PRKN: variants seen among roughly 807,000 people sequenced by gnomAD.
The protein encoded by PRKN is parkin RBR E3 ubiquitin protein ligase.
PRKN carries 56 observed loss-of-function variants against 59.5 expected under a neutral mutation model. That is an observed-to-expected ratio of 0.94 (90% CI 0.76 to 1.18). The LOEUF (loss-of-function observed/expected upper bound fraction) is 1.18, where lower values mean the gene tolerates loss of function less well. Ranked by LOEUF, PRKN falls within the 50% of genes most tolerant of loss-of-function variation. The pLI, the probability that PRKN is intolerant of heterozygous loss-of-function variation, is 0.00. For missense variants in PRKN, 657 were observed against 596.4 expected, an observed-to-expected ratio of 1.10 and a Z score of -1.06; for synonymous variants, 250 against 222.1, an observed-to-expected ratio of 1.13 and a Z score of -1.12.
chr6:161,351,893 A>T (rs915625964), intron 11 of PRKN, among the ~76,000 whole-genome samples: 5 of 152,168 alleles, frequency 3.3e-5, no homozygotes, highest in African/African-American at 9.7e-5. Flanking sequence ...TTTTCAGCAT[A>T]AGAGGAAAAG....
chr6:161,382,446 C>T (rs368283729), intron 10 of PRKN, among the ~76,000 whole-genome samples: 15 of 152,246 alleles, frequency 9.9e-5, no homozygotes, highest in South Asian at 6.2e-4. Flanking sequence ...ATCTCTTCTG[C>T]GGCTTTAGAG....
intron 7 of PRKN, among the ~76,000 whole-genome samples, chr6:161,574,964 C>T (rs936967779): frequency 2.0e-5 from 3 of 152,152 alleles, no homozygotes; most frequent in African/African-American, 7.2e-5. Context: ...ACTTTTAAAG[C>T]CCGTCCTGCT....
intron 1 of PRKN, among the ~76,000 whole-genome samples, chr6:162,538,894 A>AT (rs1778818035): frequency 6.6e-6 from 1 of 152,206 alleles, no homozygotes; most frequent in African/African-American, 2.4e-5. Context: ...TTATTTACTG[A>AT]TAAAAAGCAC....
chr6:162,425,446 A>G (rs1789188528), intron 2 of PRKN, among the ~76,000 whole-genome samples: 1 of 152,188 alleles, frequency 6.6e-6, no homozygotes, highest in South Asian at 2.1e-4. Context: ...AATTTTGTAC[A>G]GATATCATTA....
At chr6:162,375,034 A>G (rs921278968) in intron 2 of PRKN, among the ~76,000 whole-genome samples, 1 of 152,122 alleles carries the variant, frequency 6.6e-6, no homozygotes, top group African/African-American at 2.4e-5. Context: ...TGATTTTATT[A>G]TTAGGAACAA....
chr6:161,910,324 G>A (rs937845385), intron 6 of PRKN, among the ~76,000 whole-genome samples: 1 of 152,010 alleles, frequency 6.6e-6, no homozygotes, highest in Non-Finnish European at 1.5e-5. Flanking sequence ...GCACAATCTC[G>A]ACTCACCACA....
intron 6 of PRKN, among the ~76,000 whole-genome samples, chr6:161,808,178 T>C (rs1419735786): frequency 1.3e-5 from 2 of 152,194 alleles, no homozygotes; most frequent in Non-Finnish European, 2.9e-5. Flanking sequence ...AGACCCCTCA[T>C]ATTTTCATTA....
chr6:161,610,307 C>A (rs1782440654), intron 7 of PRKN, among the ~76,000 whole-genome samples: 1 of 152,060 alleles, frequency 6.6e-6, no homozygotes, highest in African/African-American at 2.4e-5. Context: ...CTTCTGAACG[C>A]TGCCCATAGG....
At chr6:161,836,980 C>T (rs980051552) in intron 6 of PRKN, among the ~76,000 whole-genome samples, 4 of 152,148 alleles carry the variant, frequency 2.6e-5, no homozygotes, top group Admixed American at 2.0e-4. Flanking sequence ...CTCTCGTTTT[C>T]GCTCCGCTCC....
intron 1 of PRKN, among the ~76,000 whole-genome samples, chr6:162,685,193 T>A (rs1779923916): frequency 6.6e-6 from 1 of 152,130 alleles, no homozygotes; most frequent in African/African-American, 2.4e-5. Flanking sequence ...ATGACTAAAT[T>A]ATGCCACGAA....
Position 161,458,888 on chromosome 6 carries a change from T to C in PRKN, c.1084-72011A>G, listed in dbSNP as rs1790086015. Among the ~76,000 whole-genome samples, 1 of 151,584 alleles carries C rather than the reference T, an allele frequency of 6.6e-6. No homozygotes were observed. Among genetic ancestry groups the C allele is most frequent in the African/African-American group, 2.4e-5 (1 of 40,974 alleles). On this transcript the variant is annotated intron_variant, in intron 9 of 11. Coordinates refer to ENST00000366898, the MANE Select transcript of PRKN (RefSeq NM_004562.3). This position sits in a 1 kb window ranked among gnomAD's most constrained non-coding sequence, Gnocchi z 6.1. Reference sequence around the variant, plus strand: ...TTGCTAGTATCCTTGGTCTAAACCTTATAATTACCAGAAGCCATTTTCATG... The same window carrying C: ...TTGCTAGTATCCTTGGTCTAAACCTCATAATTACCAGAAGCCATTTTCATG...
chr6:162,613,089 T>C (rs1782261607), intron 1 of PRKN, among the ~76,000 whole-genome samples: 1 of 152,328 alleles, frequency 6.6e-6, no homozygotes, highest in South Asian at 2.1e-4. Flanking sequence ...ATTTCCACTT[T>C]ACAGATTAAT....
intron 2 of PRKN, among the ~76,000 whole-genome samples, chr6:162,359,079 A>AAAATATATATATATATATAT (rs57265104): frequency 4.8e-5 from 4 of 83,274 alleles, no homozygotes; most frequent in African/African-American, 2.2e-4. Context: ...AAAAAAAAAA[A>AAAATATATATATATATATAT]ATATATATAT....
chr6:162,504,498 T>C (rs966852119), intron 1 of PRKN, among the ~76,000 whole-genome samples: 1 of 152,130 alleles, frequency 6.6e-6, no homozygotes, highest in Non-Finnish European at 1.5e-5. Context: ...TGGACTGGAA[T>C]AGAAGCCCTA....
intron 6 of PRKN, among the ~76,000 whole-genome samples, chr6:161,864,255 G>A (rs1006647280): frequency 6.6e-6 from 1 of 152,140 alleles, no homozygotes; most frequent in Non-Finnish European, 1.5e-5. Context: ...TCAACTAAGT[G>A]TATGTAATAT....
At chr6:161,994,666 C>T (rs1781773602) in intron 5 of PRKN, among the ~76,000 whole-genome samples, 1 of 151,168 alleles carries the variant, frequency 6.6e-6, no homozygotes, top group African/African-American at 2.4e-5. Context: ...TTCTCTATAC[C>T]AATAACAAAC....
In PRKN at chr6:162,165,737, C is replaced by G; in HGVS notation, c.534+35394G>C. On this transcript the variant is annotated intron_variant, in intron 4 of 11. Transcript: ENST00000366898. ...CAACTATCTGTCAGCCCAGCAATTC[C>G]ACTGCAGGACATTTACTCAAGAGAA... 1.3e-5 allele frequency among the ~76,000 whole-genome samples: 2 copies of G among 148,886 alleles called. 1 individual carries two copies. The highest frequency in any genetic ancestry group is 3.0e-5 in the Non-Finnish European group (2 of 67,322).
intron 8 of PRKN, among the ~76,000 whole-genome samples, chr6:161,555,007 T>A (rs1459592667): frequency 6.6e-6 from 1 of 152,122 alleles, no homozygotes; most frequent in Non-Finnish European, 1.5e-5. Flanking sequence ...TCAGGAAAGT[T>A]GTACTGAATT....
At chr6:161,622,545 C>T (rs963002756) in intron 7 of PRKN, among the ~76,000 whole-genome samples, 3 of 152,188 alleles carry the variant, frequency 2.0e-5, no homozygotes, top group Non-Finnish European at 2.9e-5. Context: ...CTCCCCCACA[C>T]TCTATGCAGC....
Sources: allele counts gnomAD v4.1 joint callset (sites outside exome capture counted in the v4.1 genomes callset), GRCh38; gene constraint gnomAD v4.1.1; non-coding constraint Gnocchi (gnomAD v3.1); transcripts MANE v1.5; gene names NCBI Gene and HGNC (gene_info 2026-07-23, HGNC 2026-07-21).